CFAP54: variants seen among roughly 807,000 people sequenced by gnomAD.
The protein encoded by CFAP54 is cilia- and flagella-associated protein 54.
Under a neutral mutation model 370.4 loss-of-function variants are expected in CFAP54, and 290 were observed. The observed-to-expected ratio is 0.78, with a 90% CI of 0.71 to 0.86. The LOEUF is 0.86. Among genes scored for constraint, CFAP54 ranks in the 40% least tolerant of loss-of-function variants. The pLI, the probability that CFAP54 is intolerant of heterozygous loss-of-function variation, is 0.00. For synonymous variants in CFAP54, 1,206 were observed against 1,236.5 expected (o/e 0.98, Z 0.52); for missense variants, 3,399 against 3,528.7 (o/e 0.96, Z 0.93).
chr12:96,567,615 T>C (rs1035577961), intron 19 of CFAP54, among the ~76,000 whole-genome samples: 3 of 152,196 alleles, frequency 2.0e-5, no homozygotes, highest in Non-Finnish European at 4.4e-5. Flanking sequence ...ACTTCAGTCC[T>C]ATTTTTATGG....
At chr12:96,833,507 CGTGTGTGT>C (rs34316003) in intron 66 of CFAP54, among the ~76,000 whole-genome samples, 1,576 of 144,142 alleles carry the variant, frequency 0.011, 23 homozygotes, top group African/African-American at 0.033. Flanking sequence ...CACACGCGTA[CGTGTGTGT>C]GTGTGTGTGT....
chr12:96,499,209 C>A (rs562977694), intron 1 of CFAP54, among the ~76,000 whole-genome samples: 30 of 152,238 alleles, frequency 2.0e-4, no homozygotes, highest in African/African-American at 7.2e-4. Context: ...AACTCCTGAC[C>A]TCAAGTGATC....
Position 96,521,839 on chromosome 12 carries a change from T to C in CFAP54, c.943-18T>C. The C allele has an allele frequency of 6.8e-7, 1 of 1,461,208 alleles. No homozygotes were observed. Among genetic ancestry groups the C allele is most frequent in the South Asian group, 1.3e-5 (1 of 79,120 alleles). 90.5% of individuals were successfully genotyped at this position (1,461,208 alleles called of 1,614,324 possible). A position where few individuals can be genotyped will look rare whatever the true frequency, so the allele number is the denominator to read the frequency against. ...TATATTCTGATTTATGAATTAAATT[T>C]ATTTTAATCACATGTAGGCATTTGC... On this transcript the variant is annotated intron_variant, in intron 6 of 67. Coordinates refer to ENST00000524981, the MANE Select transcript of CFAP54 (RefSeq NM_001306084.2).
Position 96,489,582 on chromosome 12 carries a change from T to C in CFAP54, c.-28T>C, listed in dbSNP as rs944898915. On this transcript the variant is annotated 5_prime_UTR_variant, in exon 1 of 68. Coordinates refer to ENST00000524981, the MANE Select transcript of CFAP54 (RefSeq NM_001306084.2). ...GTCGCCAGGCAACCGCGTGTACACA[T>C]ACTCCAGGCGGGCCGGGGCGCGTCA... 9 of 1,489,490 alleles carry C rather than the reference T, an allele frequency of 6.0e-6. No homozygotes were observed. The Middle Eastern group carries it at 5.5e-4, about 92-fold the overall frequency. 92.3% of individuals were successfully genotyped at this position (1,489,490 alleles called of 1,614,324 possible).
At position 96,570,412 on chromosome 12, in the gene CFAP54, A is replaced by C. The variant is rs377401759; in HGVS notation, c.2619+5647A>C. On this transcript the variant is annotated intron_variant, in intron 19 of 67. Coordinates refer to ENST00000524981, the MANE Select transcript of CFAP54 (RefSeq NM_001306084.2). ...CTCCCAGGCTTCAAACTGCTAACAGAATATTTAGCATATCTACATTTTGGA... is the reference window on the plus strand; with the variant it reads ...CTCCCAGGCTTCAAACTGCTAACAGCATATTTAGCATATCTACATTTTGGA... Among the ~76,000 whole-genome samples the C allele has an allele frequency of 2.0e-5, 3 of 152,072 alleles. No homozygotes were observed. In the East Asian group the frequency reaches 5.8e-4, roughly 29 times the overall value.
At chr12:96,817,954 A>G in intron 65 of CFAP54, 41 bp downstream of exon 65, 1 of 1,318,292 alleles carries the variant, frequency 7.6e-7, no homozygotes, top group Non-Finnish European at 1.0e-6. Flanking sequence ...GCTATAGATT[A>G]TCTTTTATAT....
intron 32 of CFAP54, among the ~76,000 whole-genome samples, chr12:96,632,425 G>T (rs900250644): frequency 2.6e-5 from 4 of 151,754 alleles, no homozygotes. Context: ...TTGTTTTTGC[G>T]TATGGTGAGA....
intron 26 of CFAP54, among the ~76,000 whole-genome samples, chr12:96,602,767 C>A (rs1446707116): frequency 6.6e-6 from 1 of 150,518 alleles, no homozygotes; most frequent in African/African-American, 2.4e-5. Context: ...TATCAGAGAC[C>A]AGGATTGCAA....
intron 39 of CFAP54, among the ~76,000 whole-genome samples, chr12:96,665,333 A>G (rs1175841650): frequency 1.3e-5 from 2 of 152,018 alleles, no homozygotes; most frequent in Non-Finnish European, 2.9e-5. Context: ...ATTAGATCCC[A>G]TTTGTCAATT....
chr12:96,561,833 G>A (rs1039144097), intron 17 of CFAP54, among the ~76,000 whole-genome samples: 4 of 141,616 alleles, frequency 2.8e-5, no homozygotes, highest in South Asian at 2.2e-4. Flanking sequence ...GGAGTGGTGC[G>A]ATCACCCAGT....
intron 1 of CFAP54, among the ~76,000 whole-genome samples, chr12:96,493,742 G>C (rs1439143167): frequency 6.6e-6 from 1 of 152,182 alleles, no homozygotes; most frequent in African/African-American, 2.4e-5. Flanking sequence ...AGGTTGCATT[G>C]AGCCAAGATC....
intron 26 of CFAP54, among the ~76,000 whole-genome samples, chr12:96,613,649 A>G (rs989232546): frequency 1.2e-4 from 19 of 152,222 alleles, no homozygotes; most frequent in African/African-American, 4.6e-4. Flanking sequence ...AAAAGAGACA[A>G]GAAGCAAATA....
chr12:96,725,261 T>C (rs1227770810), intron 50 of CFAP54, among the ~76,000 whole-genome samples: 2 of 151,412 alleles, frequency 1.3e-5, no homozygotes, highest in African/African-American at 4.8e-5. Flanking sequence ...ATAAATTACC[T>C]TGGGCAGTAT....
At chr12:96,675,319 C>T (rs1011537553) in intron 39 of CFAP54, among the ~76,000 whole-genome samples, 5 of 152,060 alleles carry the variant, frequency 3.3e-5, no homozygotes, top group Non-Finnish European at 7.4e-5. Flanking sequence ...TTTATGCAGC[C>T]AAAAGACACA....
At chr12:96,648,400 A>G (rs1306733591) in intron 34 of CFAP54, among the ~76,000 whole-genome samples, 1 of 152,134 alleles carries the variant, frequency 6.6e-6, no homozygotes, top group East Asian at 1.9e-4. Context: ...AAACATACTA[A>G]TACAAGCAGT....
intron 66 of CFAP54, among the ~76,000 whole-genome samples, chr12:96,830,398 T>G (rs1016902123): frequency 4.6e-5 from 7 of 152,164 alleles, no homozygotes; most frequent in African/African-American, 9.6e-5. Context: ...TTAATAGTAG[T>G]CATCCTAGTG....
intron 61 of CFAP54, among the ~76,000 whole-genome samples, chr12:96,785,349 C>A (rs899457830): frequency 6.6e-6 from 1 of 151,542 alleles, no homozygotes; most frequent in African/African-American, 2.4e-5. Flanking sequence ...TAAAAAATAT[C>A]CAGAAAAACT....
At chr12:96,727,369 G>A (rs1957855302) in intron 50 of CFAP54, among the ~76,000 whole-genome samples, 2 of 150,262 alleles carry the variant, frequency 1.3e-5, no homozygotes, top group African/African-American at 4.9e-5. Context: ...CCTGTATTGG[G>A]TGCATATATA....
intron 42 of CFAP54, among the ~76,000 whole-genome samples, chr12:96,688,033 C>T (rs924560094): frequency 3.3e-5 from 5 of 151,574 alleles, no homozygotes; most frequent in Non-Finnish European, 7.4e-5. Flanking sequence ...CTCTTCTCCC[C>T]GCCCTGTAAA....
Sources: allele counts gnomAD v4.1 joint callset (sites outside exome capture counted in the v4.1 genomes callset), GRCh38; gene constraint gnomAD v4.1.1; transcripts MANE v1.5; gene names NCBI Gene and HGNC (gene_info 2026-07-23, HGNC 2026-07-21).